Variants in ZNF774 observed in about 807,000 individuals in gnomAD.
ZNF774 encodes the protein zinc finger protein 774.
In ZNF774, 14 loss-of-function variants were observed where a neutral mutation model predicts 11.1. That is an observed-to-expected ratio of 1.26 (90% confidence interval 0.83 to 1.97). The LOEUF (loss-of-function observed/expected upper bound fraction) is 1.97, where lower values mean the gene tolerates loss of function less well. Among genes scored for constraint, ZNF774 ranks in the 30% most tolerant of loss-of-function variants. The pLI is 0.00. For missense variants in ZNF774, 599 were observed against 587.0 expected (o/e 1.02, Z -0.21); for synonymous variants, 195 against 212.6 (o/e 0.92, Z 0.72).
chr15:90,359,473 G>C (rs1403498838), intron 3 of ZNF774, among the ~76,000 whole-genome samples: 4 of 149,782 alleles, frequency 2.7e-5, no homozygotes, highest in Non-Finnish European at 5.9e-5. Flanking sequence ...GTTTTTTTTT[G>C]AGATGGAGTC....
chr15:90,353,128 C>T (rs541673793), intron 1 of ZNF774, among the ~76,000 whole-genome samples: 2 of 152,064 alleles, frequency 1.3e-5, no homozygotes, highest in African/African-American at 2.4e-5. Flanking sequence ...CCACCACACC[C>T]GGCTAATTTT....
intron 2 of ZNF774, 78 bp downstream of exon 2, chr15:90,354,842 T>G (rs1964222329): frequency 8.5e-7 from 1 of 1,179,420 alleles, no homozygotes; most frequent in Non-Finnish European, 1.2e-6. Flanking sequence ...TCATCCAGGC[T>G]GGAGTGCAGT....
intron 2 of ZNF774, among the ~76,000 whole-genome samples, 187 bp from the exon 3 acceptor site, chr15:90,358,664 C>A (rs1302197562): frequency 4.0e-5 from 6 of 151,532 alleles, no homozygotes; most frequent in African/African-American, 1.5e-4. Flanking sequence ...GCTTTTTTTT[C>A]TTAACATTTT....
rs1339581499 is a variant in ZNF774 at position 90,362,018 on chromosome 15, C to T, written c.*735C>T. 1 of 157,220 alleles carries T rather than the reference C, an allele frequency of 6.4e-6. No individual in the cohort carries two copies. Among genetic ancestry groups the T allele is most frequent in the Non-Finnish European group, 1.4e-5 (1 of 70,818 alleles). The allele number at this position is 157,220 out of a possible 1,614,324, so 9.7% of individuals were successfully genotyped here. A position where few individuals can be genotyped will look rare whatever the true frequency, so the allele number is the denominator to read the frequency against. ...CCTGGCCCTTAAAAGACACTCAGTACAAGATTGGTGGCTTTTATCAGTCTT... is the reference window on the plus strand; with the variant it reads ...CCTGGCCCTTAAAAGACACTCAGTATAAGATTGGTGGCTTTTATCAGTCTT... On this transcript the variant is annotated 3_prime_UTR_variant, in exon 4 of 4. Transcript: ENST00000354377.
Position 90,360,997 on chromosome 15 carries a change from C to T in ZNF774, c.1166C>T (p.Ala389Val), listed in dbSNP as rs1293976614. The T allele has an allele frequency of 1.2e-6, 2 of 1,613,832 alleles. No homozygotes were observed. The highest frequency in any genetic ancestry group is 1.7e-5 in the Admixed American group (1 of 59,972). Reference sequence around the variant, plus strand: ...GGGAAAGGATTCGCCGACAGCTCCGCCCTCATTAAGCACCAACGAATCCAC... The same window carrying T: ...GGGAAAGGATTCGCCGACAGCTCCGTCCTCATTAAGCACCAACGAATCCAC... ...NCGKGFADSS[A>V]LIKHQRIHTG... Residue 389 changes from alanine to valine, a missense_variant, in exon 4 of 4, where the codon GCC (alanine) becomes GTC (valine). Coordinates refer to ENST00000354377, the MANE Select transcript of ZNF774 (RefSeq NM_001004309.3).
intron 2 of ZNF774, 119 bp downstream of exon 2, chr15:90,354,883 C>T (rs1413887613): frequency 1.1e-5 from 9 of 829,340 alleles, no homozygotes; most frequent in Admixed American, 2.3e-5. Context: ...CAATCTGTGC[C>T]TCCTGGGCTC....
chr15:90,360,068 C>G lies in ZNF774; in HGVS notation c.237C>G (p.Leu79=). The G allele has an allele frequency of 6.2e-7, 1 of 1,609,878 alleles. No homozygotes were observed. The highest frequency in any genetic ancestry group is 8.5e-7 in the Non-Finnish European group (1 of 1,177,654). The change falls in exon 4 of 4, where the codon CTC becomes CTG. Residue 79 remains leucine (L), a synonymous_variant. Coordinates refer to ENST00000354377, the MANE Select transcript of ZNF774 (RefSeq NM_001004309.3). ...HTDCEHQVAK[L]NQDNSETAEQ... is the part of the protein sequence containing the mutation. Reference sequence around the variant, plus strand: ...ACTGTGAGCATCAGGTGGCAAAGCTCAATCAGGACAATTCTGAAACAGCAG... The same window carrying G: ...ACTGTGAGCATCAGGTGGCAAAGCTGAATCAGGACAATTCTGAAACAGCAG...
In ZNF774 at chr15:90,360,645, T is replaced by A; in HGVS notation, c.814T>A (p.Phe272Ile). 1 of 1,614,176 alleles carries A rather than the reference T, an allele frequency of 6.2e-7. No individual in the cohort carries two copies. Among genetic ancestry groups the A allele is most frequent in the Non-Finnish European group, 8.5e-7 (1 of 1,180,044 alleles). The change falls in exon 4 of 4, where the codon TTC (phenylalanine) becomes ATC (isoleucine). Residue 272 changes from phenylalanine (F) to isoleucine (I), a missense_variant. Coordinates refer to ENST00000354377, the MANE Select transcript of ZNF774 (RefSeq NM_001004309.3). ...CGCGTGCCTGGAATGTCACAAAAGCTTCAGTCGAAGCTCAAATTTCATCAC... is the reference window on the plus strand; with the variant it reads ...CGCGTGCCTGGAATGTCACAAAAGCATCAGTCGAAGCTCAAATTTCATCAC... ...PYACLECHKS[F>I]SRSSNFITHQ...
chr15:90,355,258 A>G, intron 2 of ZNF774: 1 of 455,814 alleles, frequency 2.2e-6, no homozygotes, highest in South Asian at 1.5e-5. Flanking sequence ...TTCCTTATGC[A>G]TTTTATGGTT....
Position 90,360,687 on chromosome 15 carries a change from A to C in ZNF774, c.856A>C (p.Thr286Pro). ...SNFITHQRTH[T>P]GVKPYRCNDC... ...TTTCATCACTCACCAGAGGACCCAC[A>C]CAGGGGTGAAGCCTTACAGGTGTAA... is the stretch of plus-strand genomic sequence containing the variant. Residue 286 changes from threonine to proline, a missense_variant, in exon 4 of 4, where the codon ACA (threonine) becomes CCA (proline). Coordinates refer to ENST00000354377, the MANE Select transcript of ZNF774 (RefSeq NM_001004309.3). The C allele has an allele frequency of 1.2e-6, 2 of 1,614,216 alleles. No individual in the cohort carries two copies. Among genetic ancestry groups the C allele is most frequent in the Non-Finnish European group, 1.7e-6 (2 of 1,180,044 alleles).
chr15:90,357,454 G>T lies in ZNF774; in HGVS notation c.105-1397G>T, dbSNP rs990285113. On this transcript the variant is annotated intron_variant, in intron 2 of 3. Transcript: ENST00000354377. ...GGAGCTCGAGGATGCAGTTAACTGT[G>T]ATTGTACCAGTGCTCTCCAGCCTGG... Among the ~76,000 whole-genome samples, 30 of 152,304 alleles carry T rather than the reference G, an allele frequency of 2.0e-4. No individual in the cohort carries two copies. The East Asian group carries it at 3.1e-3, about 16-fold the overall frequency.
In ZNF774 at chr15:90,362,748, T is replaced by TACACACACACACAC. The variant is rs59687959; in HGVS notation, c.*1490_*1503dup. 8.2e-6 allele frequency: 4 copies of TACACACACACACAC among 489,524 alleles called. No homozygotes were observed. The highest frequency in any genetic ancestry group is 1.5e-5 in the Non-Finnish European group (4 of 271,748). 30.3% of individuals were successfully genotyped at this position (489,524 alleles called of 1,614,324 possible). A position where few individuals can be genotyped will look rare whatever the true frequency, so the allele number is the denominator to read the frequency against. ...CAAGGTTGTTGTGAGGATCTAAAAA[T>TACACACACACACAC]ACACACACACACACACACACACACA... On this transcript the variant is annotated 3_prime_UTR_variant, in exon 4 of 4. Transcript: ENST00000354377.
rs771158261 is a variant in ZNF774 at position 90,362,505 on chromosome 15, C to T, written c.*1222C>T. 6 of 1,527,522 alleles carry T rather than the reference C, an allele frequency of 3.9e-6. No homozygotes were observed. Among genetic ancestry groups the T allele is most frequent in the African/African-American group, 1.4e-5 (1 of 72,804 alleles). 94.6% of individuals were successfully genotyped at this position (1,527,522 alleles called of 1,614,324 possible). On this transcript the variant is annotated 3_prime_UTR_variant, in exon 4 of 4. Coordinates refer to ENST00000354377, the MANE Select transcript of ZNF774 (RefSeq NM_001004309.3). ...TTTTCTAATTTGCTGGGTCATTGGC[C>T]ATTTAGTTTTAGGTTAATATAATTC...
At position 90,358,969 on chromosome 15, in the gene ZNF774, G is replaced by A. The variant is rs757325999; in HGVS notation, c.211+12G>A. ...GGAAAGCCACACAGGTGAGATGTGA[G>A]TGCTCCCCAGTGGAAGGAAATCTAG... On this transcript the variant is annotated intron_variant, in intron 3 of 3. Coordinates refer to ENST00000354377, the MANE Select transcript of ZNF774 (RefSeq NM_001004309.3). 6.3e-7 allele frequency: 1 copy of A among 1,591,950 alleles called. No individual in the cohort carries two copies. The highest frequency in any genetic ancestry group is 1.1e-5 in the South Asian group (1 of 90,612).
intron 3 of ZNF774, among the ~76,000 whole-genome samples, chr15:90,359,373 CTAGCAGACATTTAAATTTGACT>C (rs1356060284): frequency 3.3e-5 from 5 of 151,890 alleles, no homozygotes; most frequent in Non-Finnish European, 7.4e-5. Context: ...CGCCCGGCCA[CTAGCAGACATTTAAATTTGACT>C]TAATGGTCAG....
Position 90,362,359 on chromosome 15 carries a change from C to T in ZNF774, c.*1076C>T. Reference sequence around the variant, plus strand: ...CATCTGACACAGAGAAAATATCCTACAATGAACAAGCCAGAGGGACCTGGT... The same window carrying T: ...CATCTGACACAGAGAAAATATCCTATAATGAACAAGCCAGAGGGACCTGGT... On this transcript the variant is annotated 3_prime_UTR_variant, in exon 4 of 4. Coordinates refer to ENST00000354377, the MANE Select transcript of ZNF774 (RefSeq NM_001004309.3). The T allele has an allele frequency of 1.7e-6, 1 of 580,442 alleles. No individual in the cohort carries two copies. Among genetic ancestry groups the T allele is most frequent in the Non-Finnish European group, 3.1e-6 (1 of 325,544 alleles). 36.0% of individuals were successfully genotyped at this position (580,442 alleles called of 1,614,324 possible).
rs1222564787 is a variant in ZNF774 at position 90,358,839 on chromosome 15, A to T, written c.105-12A>T. ...GCTCAGACTCACATCCTATGTTTACATTCCTGTGTAGAATTTCCAGGCCTA... is the reference window on the plus strand; with the variant it reads ...GCTCAGACTCACATCCTATGTTTACTTTCCTGTGTAGAATTTCCAGGCCTA... On this transcript the variant is annotated splice_polypyrimidine_tract_variant and intron_variant, in intron 2 of 3. Transcript: ENST00000354377. The T allele has an allele frequency of 6.2e-7, 1 of 1,609,892 alleles. No individual in the cohort carries two copies. The highest frequency in any genetic ancestry group is 8.5e-7 in the Non-Finnish European group (1 of 1,177,068).
intron 3 of ZNF774, 42 bp downstream of exon 3, chr15:90,358,999 T>A: frequency 6.6e-7 from 1 of 1,513,152 alleles, no homozygotes; most frequent in East Asian, 2.3e-5. Flanking sequence ...ATCTAGCATT[T>A]CAGCCTTGTT....
chr15:90,360,045 T>C lies in ZNF774; in HGVS notation c.214T>C (p.Cys72Arg). ...RKIPRESHTDCEHQVAKLNQD... is the reference protein window; with the variant it reads ...RKIPRESHTDREHQVAKLNQD... ...TGTTACTTACATTAATTTTTCAGACTGTGAGCATCAGGTGGCAAAGCTCAA... is the reference window on the plus strand; with the variant it reads ...TGTTACTTACATTAATTTTTCAGACCGTGAGCATCAGGTGGCAAAGCTCAA... The change falls in exon 4 of 4, where the codon TGT becomes CGT. Residue 72 changes from cysteine to arginine, a missense_variant and splice_region_variant. Coordinates refer to ENST00000354377, the MANE Select transcript of ZNF774 (RefSeq NM_001004309.3). 6.3e-7 allele frequency: 1 copy of C among 1,597,788 alleles called. No homozygotes were observed. Among genetic ancestry groups the C allele is most frequent in the Non-Finnish European group, 8.5e-7 (1 of 1,171,346 alleles).
Sources: allele counts gnomAD v4.1 joint callset (sites outside exome capture counted in the v4.1 genomes callset), GRCh38; gene constraint gnomAD v4.1.1; transcripts MANE v1.5; gene names NCBI Gene and HGNC (gene_info 2026-07-23, HGNC 2026-07-21).